The following KCNK13 variants were observed in gnomAD, a reference collection of about 807,000 sequenced individuals.
KCNK13 encodes the protein potassium channel subfamily K member 13.
A neutral mutation model predicts 23.4 loss-of-function variants in KCNK13; 12 were observed. The observed-to-expected ratio is 0.51, with a 90% CI of 0.33 to 0.83. The LOEUF (loss-of-function observed/expected upper bound fraction) is 0.83, where lower values mean the gene tolerates loss of function less well. Ranked by LOEUF, KCNK13 falls within the 40% of genes least tolerant of loss-of-function variation. KCNK13 has a pLI of 0.02. For missense variants in KCNK13, 463 were observed against 556.3 expected (o/e 0.83, Z 1.69); for synonymous variants, 231 against 229.5 (o/e 1.01, Z -0.06).
chr14:90,104,771 C>T (rs1319518428), intron 1 of KCNK13, among the ~76,000 whole-genome samples: 16 of 146,796 alleles, frequency 1.1e-4, no homozygotes, highest in Admixed American at 1.0e-3. Flanking sequence ...ACTTGGGGAT[C>T]AGCTACTTTC....
intron 1 of KCNK13, among the ~76,000 whole-genome samples, chr14:90,124,173 C>T (rs539445347): frequency 6.6e-5 from 10 of 152,316 alleles, no homozygotes; most frequent in African/African-American, 2.2e-4. Flanking sequence ...CAGAACTGTG[C>T]GTCTCCGGTT....
At chr14:90,133,857 G>A (rs1304338877) in intron 1 of KCNK13, among the ~76,000 whole-genome samples, 1 of 152,166 alleles carries the variant, frequency 6.6e-6, no homozygotes, top group African/African-American at 2.4e-5. Flanking sequence ...AGCTCCTCTA[G>A]AGAGCTTTTC....
rs542915997 is a variant in KCNK13, at chr14:90,073,120, C to T, written c.334+10581C>T. 2.0e-5 allele frequency among the ~76,000 whole-genome samples: 3 copies of T among 152,240 alleles called. 1 individual carries two copies. Among genetic ancestry groups the T allele is most frequent in the South Asian group, 4.1e-4 (2 of 4,826 alleles). ...TTGCCTTTTCTTCCTTTAGGGTCCT[C>T]GTTGTGGGAAGGATCGCCAGTTAAA... On this transcript the variant is annotated intron_variant, in intron 1 of 1. Coordinates refer to ENST00000282146, the MANE Select transcript of KCNK13 (RefSeq NM_022054.4).
chr14:90,140,342 G>T (rs932068292), intron 1 of KCNK13, among the ~76,000 whole-genome samples: 9 of 152,122 alleles, frequency 5.9e-5, no homozygotes, highest in African/African-American at 2.2e-4. Flanking sequence ...GTCCTACCAC[G>T]CATCAAAAAC....
chr14:90,156,616 C>T (rs1294046826), intron 1 of KCNK13, among the ~76,000 whole-genome samples: 2 of 152,066 alleles, frequency 1.3e-5, no homozygotes, highest in East Asian at 1.9e-4. Context: ...ATTCAAGGAA[C>T]GGGGGCCAAA....
intron 1 of KCNK13, among the ~76,000 whole-genome samples, chr14:90,092,734 C>A (rs1262851936): frequency 6.6e-6 from 1 of 151,910 alleles, no homozygotes; most frequent in Admixed American, 6.6e-5. Flanking sequence ...GGCAACATAG[C>A]AAGATCCCAT....
chr14:90,151,981 A>G (rs1890138556), intron 1 of KCNK13, among the ~76,000 whole-genome samples: 2 of 152,082 alleles, frequency 1.3e-5, no homozygotes, highest in African/African-American at 4.8e-5. Flanking sequence ...ATTGGCCTAT[A>G]TATCTGTTTT....
Position 90,094,710 on chromosome 14 carries a change from C to T in KCNK13, c.334+32171C>T, listed in dbSNP as rs558333908. Among the ~76,000 whole-genome samples the T allele has an allele frequency of 2.2e-4, 31 of 143,988 alleles. 1 individual carries two copies. Among genetic ancestry groups the T allele is most frequent in the African/African-American group, 7.9e-4 (30 of 38,160 alleles). 94.5% of individuals were successfully genotyped at this position (143,988 alleles called of 152,430 possible). A position where few individuals can be genotyped will look rare whatever the true frequency, so the allele number is the denominator to read the frequency against. Reference sequence around the variant, plus strand: ...TCGCCCAGGCTGGAGTGCAGTGGCGCGATCTCGGCTCACTGCAAGCTCCGC... The same window carrying T: ...TCGCCCAGGCTGGAGTGCAGTGGCGTGATCTCGGCTCACTGCAAGCTCCGC... On this transcript the variant is annotated intron_variant, in intron 1 of 1. Coordinates refer to ENST00000282146, the MANE Select transcript of KCNK13 (RefSeq NM_022054.4).
At chr14:90,107,057 G>A (rs1889552459) in intron 1 of KCNK13, among the ~76,000 whole-genome samples, 1 of 152,068 alleles carries the variant, frequency 6.6e-6, no homozygotes, top group Non-Finnish European at 1.5e-5. Flanking sequence ...AAATGCTAGA[G>A]TCTGACTATA....
intron 1 of KCNK13, among the ~76,000 whole-genome samples, chr14:90,116,051 A>G (rs1889673320): frequency 6.6e-6 from 1 of 152,186 alleles, no homozygotes; most frequent in Non-Finnish European, 1.5e-5. Flanking sequence ...ATATTTTTCT[A>G]TGCCTGCCTG....
At chr14:90,132,741 G>A (rs1889890147) in intron 1 of KCNK13, among the ~76,000 whole-genome samples, 1 of 152,112 alleles carries the variant, frequency 6.6e-6, no homozygotes, top group Non-Finnish European at 1.5e-5. Context: ...AAGTAGATAA[G>A]ATGGTAAGTT....
intron 1 of KCNK13, among the ~76,000 whole-genome samples, chr14:90,099,705 C>T (rs1466418425): frequency 6.6e-6 from 1 of 152,186 alleles, no homozygotes; most frequent in Non-Finnish European, 1.5e-5. Flanking sequence ...AGCAAGCCAA[C>T]AGCCGTGACA....
chr14:90,125,601 A>G lies in KCNK13; in HGVS notation c.335-58510A>G, dbSNP rs376955804. On this transcript the variant is annotated intron_variant, in intron 1 of 1. Transcript: ENST00000282146. ...AGGAAGTGCGTAAACACACACACGCACACACACACACACACACACACACAC... is the reference window on the plus strand; with the variant it reads ...AGGAAGTGCGTAAACACACACACGCGCACACACACACACACACACACACAC... Among the ~76,000 whole-genome samples the G allele has an allele frequency of 7.5e-3, 324 of 43,004 alleles. 1 individual carries two copies. The highest frequency in any genetic ancestry group is 0.02 in the African/African-American group (230 of 11,742). The allele number at this position is 43,004 out of a possible 152,430, so 28.2% of individuals were successfully genotyped here.
intron 1 of KCNK13, among the ~76,000 whole-genome samples, chr14:90,159,074 T>C (rs2140437546): frequency 6.6e-6 from 1 of 152,272 alleles, no homozygotes; most frequent in Middle Eastern, 3.4e-3. Flanking sequence ...CAAGGTTGAG[T>C]GGCTGGCATC....
chr14:90,132,590 G>C (rs1889888185), intron 1 of KCNK13, among the ~76,000 whole-genome samples: 1 of 151,840 alleles, frequency 6.6e-6, no homozygotes, highest in Non-Finnish European at 1.5e-5. Context: ...GAGTTTACCT[G>C]GGTTGGGAGG....
chr14:90,132,543 CAA>C (rs397853239), intron 1 of KCNK13, among the ~76,000 whole-genome samples: 36 of 83,908 alleles, frequency 4.3e-4, no homozygotes, highest in Non-Finnish European at 6.0e-4. Context: ...GACTCTGTCT[CAA>C]AAAAAAAAAA....
chr14:90,172,598 CAGTGTAA>C (rs1890377528), intron 1 of KCNK13, among the ~76,000 whole-genome samples: 1 of 151,106 alleles, frequency 6.6e-6, no homozygotes, highest in Admixed American at 6.6e-5. Context: ...TAAAACACTT[CAGTGTAA>C]AGTGTTACAC....
chr14:90,150,102 G>T (rs1890118440), intron 1 of KCNK13, among the ~76,000 whole-genome samples: 1 of 152,144 alleles, frequency 6.6e-6, no homozygotes, highest in Non-Finnish European at 1.5e-5. Context: ...AGTCTTCAGA[G>T]ATTTCGTGGA....
At chr14:90,161,200 G>T (rs1297182498) in intron 1 of KCNK13, among the ~76,000 whole-genome samples, 2 of 152,140 alleles carry the variant, frequency 1.3e-5, no homozygotes, top group African/African-American at 4.8e-5. Flanking sequence ...AGACACAGAA[G>T]GACAAAATAT....
Sources: allele counts gnomAD v4.1 joint callset (sites outside exome capture counted in the v4.1 genomes callset), GRCh38; gene constraint gnomAD v4.1.1; transcripts MANE v1.5; gene names NCBI Gene and HGNC (gene_info 2026-07-23, HGNC 2026-07-21).